The following REPS1 variants were observed in gnomAD, a reference collection of about 807,000 sequenced individuals.
REPS1 encodes the protein ralBP1-associated Eps domain-containing protein 1.
In REPS1, 39 loss-of-function variants were observed where a neutral mutation model predicts 100.9. The observed-to-expected ratio is 0.39, with a 90% CI of 0.30 to 0.50. REPS1 has a LOEUF of 0.50. Ranked by LOEUF, REPS1 falls within the 20% of genes least tolerant of loss-of-function variation. The pLI, the probability that REPS1 is intolerant of heterozygous loss-of-function variation, is 0.86. For missense variants in REPS1, 821 were observed against 968.5 expected (o/e 0.85, Z 2.02); for synonymous variants, 324 against 340.3 (o/e 0.95, Z 0.53).
intron 1 of REPS1, among the ~76,000 whole-genome samples, chr6:138,970,022 T>C (rs1784249212): frequency 6.6e-6 from 1 of 152,088 alleles, no homozygotes; most frequent in Non-Finnish European, 1.5e-5. Flanking sequence ...TGAAGCTAGA[T>C]GATGAAGGCT....
chr6:138,955,457 AGTGT>A (rs1554294151), intron 1 of REPS1, among the ~76,000 whole-genome samples: 185 of 90,732 alleles, frequency 2.0e-3, no homozygotes, highest in African/African-American at 3.6e-3. Context: ...AAAAAAAAAA[AGTGT>A]GTGTGTGTGT....
chr6:138,917,592 C>T lies in REPS1; in HGVS notation c.1564G>A (p.Asp522Asn). The T allele has an allele frequency of 6.2e-7, 1 of 1,613,676 alleles. No homozygotes were observed. Among genetic ancestry groups the T allele is most frequent in the Non-Finnish European group, 8.5e-7 (1 of 1,179,788 alleles). Residue 522 changes from aspartate to asparagine, a missense_variant, in exon 13 of 20, where the codon GAC (aspartate) becomes AAC (asparagine). Physicochemically the swap from Asp to Asn is conservative, Grantham distance 23. Transcript: ENST00000450536. ...ACATTGCTCCCGATCTGTTCTGGGT[C>T]AGAAGTAAAAGAGTCTGAACTACTG... ...GYSSSDSFTS[D>N]PEQIGSNVTR...
At position 138,904,705 on chromosome 6, in the gene REPS1, C is replaced by T; in HGVS notation, c.*359G>A. 1 of 163,866 alleles carries T rather than the reference C, an allele frequency of 6.1e-6. No homozygotes were observed. Among genetic ancestry groups the T allele is most frequent in the Non-Finnish European group, 1.3e-5 (1 of 75,992 alleles). 10.2% of individuals were successfully genotyped at this position (163,866 alleles called of 1,614,324 possible). On this transcript the variant is annotated 3_prime_UTR_variant, in exon 20 of 20. Coordinates refer to ENST00000450536, the MANE Select transcript of REPS1 (RefSeq NM_001286611.2). ...ATGTAAAATATTAAACATAAAAGGACAAACTGACAATTTATTTCTGAGTCT... is the reference window on the plus strand; with the variant it reads ...ATGTAAAATATTAAACATAAAAGGATAAACTGACAATTTATTTCTGAGTCT...
At chr6:138,948,213 A>C (rs1782764107) in intron 1 of REPS1, among the ~76,000 whole-genome samples, 1 of 152,190 alleles carries the variant, frequency 6.6e-6, no homozygotes, top group Admixed American at 6.5e-5. Context: ...ACCCACTCTT[A>C]TTCATAAGCA....
At chr6:138,938,908 C>T (rs570219693) in intron 8 of REPS1, among the ~76,000 whole-genome samples, 1 of 151,102 alleles carries the variant, frequency 6.6e-6, no homozygotes, top group East Asian at 1.9e-4. Flanking sequence ...AATGCAGTGG[C>T]GTGATCTCGG....
At chr6:138,909,033 A>G (rs1022642459) in intron 17 of REPS1, 14 of 506,128 alleles carry the variant, frequency 2.8e-5, no homozygotes, top group African/African-American at 1.2e-4. Flanking sequence ...TACCTGCAAT[A>G]TAAGTATTTT....
intron 17 of REPS1, among the ~76,000 whole-genome samples, chr6:138,910,476 G>A (rs1779932613): frequency 6.6e-6 from 1 of 152,128 alleles, no homozygotes; most frequent in Admixed American, 6.5e-5. Context: ...ACTTCAGCCT[G>A]CCAAGTAGCT....
Position 138,926,487 on chromosome 6 carries a change from C to A in REPS1, c.1258-6G>T. ...TCACTAAATGTCTCCCACTGCTGAA[C>A]AGACAGAGGAGAGACAAGTCAGCAT... On this transcript the variant is annotated splice_polypyrimidine_tract_variant and splice_region_variant and intron_variant, in intron 9 of 19. Transcript: ENST00000450536. 1 of 1,600,302 alleles carries A rather than the reference C, an allele frequency of 6.2e-7. No individual in the cohort carries two copies. Among genetic ancestry groups the A allele is most frequent in the East Asian group, 2.2e-5 (1 of 44,804 alleles).
At chr6:138,944,316 A>C (rs1782467622) in intron 5 of REPS1, among the ~76,000 whole-genome samples, 182 bp downstream of exon 5, 1 of 152,252 alleles carries the variant, frequency 6.6e-6, no homozygotes, top group South Asian at 2.1e-4. Context: ...CAGAAACAGA[A>C]ATAAAATCAG....
chr6:138,960,942 T>C (rs1256294287), intron 1 of REPS1, among the ~76,000 whole-genome samples: 3 of 152,200 alleles, frequency 2.0e-5, no homozygotes, highest in African/African-American at 7.2e-5. Flanking sequence ...ATAATTTTCA[T>C]TGGAAAGCGT....
intron 1 of REPS1, among the ~76,000 whole-genome samples, chr6:138,951,397 T>C (rs1783030792): frequency 6.6e-6 from 1 of 152,134 alleles, no homozygotes; most frequent in Admixed American, 6.5e-5. Context: ...ATTAAGTATA[T>C]TAAGATATAA....
intron 8 of REPS1, among the ~76,000 whole-genome samples, chr6:138,938,984 A>G (rs1658070746): frequency 6.6e-6 from 1 of 151,924 alleles, no homozygotes; most frequent in South Asian, 2.1e-4. Context: ...AGTAGCTGGG[A>G]CAACAAGTGC....
rs972851119 is a variant in REPS1, at chr6:138,988,232, AC to A, written c.-551del. 2.2e-4 allele frequency: 89 copies of A among 398,320 alleles called. No individual in the cohort carries two copies. The East Asian group carries it at 3.1e-3, about 14-fold the overall frequency. The allele number at this position is 398,320 out of a possible 1,614,324, so 24.7% of individuals were successfully genotyped here. ...TTTACAGTGCCCCGGCCCGGCCCCG[AC>A]GCGCCCGCACCAACAGTGACAGCGG... On this transcript the variant is annotated 5_prime_UTR_variant, in exon 1 of 20. Coordinates refer to ENST00000450536, the MANE Select transcript of REPS1 (RefSeq NM_001286611.2).
At chr6:138,920,907 A>G (rs189396949) in intron 11 of REPS1, 130 bp downstream of exon 11, 24 of 655,664 alleles carry the variant, frequency 3.7e-5, no homozygotes, top group Middle Eastern at 6.1e-4. Flanking sequence ...AATATGCATG[A>G]ACATATACAT....
intron 1 of REPS1, among the ~76,000 whole-genome samples, chr6:138,958,322 A>C (rs1227285527): frequency 6.6e-6 from 1 of 152,220 alleles, no homozygotes; most frequent in Non-Finnish European, 1.5e-5. Context: ...TTTATTGTTA[A>C]GTTCTTGTGA....
At chr6:138,983,981 G>A (rs1281747822) in intron 1 of REPS1, among the ~76,000 whole-genome samples, 3 of 151,632 alleles carry the variant, frequency 2.0e-5, no homozygotes, top group African/African-American at 4.8e-5. Flanking sequence ...GGTGTCCAAA[G>A]AATAATCCTT....
At chr6:138,956,120 T>C (rs1281199834) in intron 1 of REPS1, among the ~76,000 whole-genome samples, 1 of 152,172 alleles carries the variant, frequency 6.6e-6, no homozygotes, top group Admixed American at 6.5e-5. Context: ...CGCTCTCATG[T>C]CTTCCTAAGT....
At chr6:138,927,546 C>T (rs1461849949) in intron 9 of REPS1, 3 of 152,136 alleles carry the variant, frequency 2.0e-5, no homozygotes, top group African/African-American at 7.2e-5. Context: ...CCAAAATCCT[C>T]TTTGGGAAAG....
chr6:138,940,089 T>TAGA (rs1394294259), intron 8 of REPS1, among the ~76,000 whole-genome samples: 1 of 152,166 alleles, frequency 6.6e-6, no homozygotes, highest in Admixed American at 6.5e-5. Context: ...TTAGCAAAAC[T>TAGA]AGAAGCACAT....
Sources: allele counts gnomAD v4.1 joint callset (sites outside exome capture counted in the v4.1 genomes callset), GRCh38; gene constraint gnomAD v4.1.1; transcripts MANE v1.5; gene names NCBI Gene and HGNC (gene_info 2026-07-23, HGNC 2026-07-21).